LARGE1: variants seen among roughly 807,000 people sequenced by gnomAD.
LARGE1 encodes LARGE xylosyl- and glucuronyltransferase 1.
In LARGE1, 43 loss-of-function variants were observed where a neutral mutation model predicts 87.6. The observed-to-expected ratio is 0.49, with a 90% CI of 0.38 to 0.63. The LOEUF (loss-of-function observed/expected upper bound fraction) is 0.63, where lower values mean the gene tolerates loss of function less well. Ranked by LOEUF, LARGE1 falls within the 30% of genes least tolerant of loss-of-function variation. The probability of loss-of-function intolerance (pLI) is 0.00; values close to 1 mark genes in which losing one functional copy is unlikely to be tolerated. For synonymous variants in LARGE1, 434 were observed against 394.6 expected, an observed-to-expected ratio of 1.10 and a Z score of -1.18; for missense variants, 802 against 1,000.2, an observed-to-expected ratio of 0.80 and a Z score of 2.67.
At chr22:33,555,930 C>CA (rs34477059) in intron 6 of LARGE1, among the ~76,000 whole-genome samples, 85,680 of 124,110 alleles carry the variant, frequency 0.69, 28,831 homozygotes, top group African/African-American at 0.78. Context: ...GACTCCATCT[C>CA]AAAAAAAAAA....
intron 9 of LARGE1, among the ~76,000 whole-genome samples, chr22:33,356,421 G>A (rs1179161594): frequency 6.6e-6 from 1 of 152,192 alleles, no homozygotes; most frequent in Admixed American, 6.5e-5. Context: ...CCACCAACCG[G>A]TGTTTAACCT....
At chr22:33,891,439 T>TA (rs34298566) in intron 1 of LARGE1, among the ~76,000 whole-genome samples, 35,066 of 147,796 alleles carry the variant, frequency 0.24, 4,289 homozygotes, top group African/African-American at 0.3. Context: ...GTGCTAGCCA[T>TA]AAAAAAAAAA....
chr22:33,286,560 T>C, intron 12 of LARGE1, among the ~76,000 whole-genome samples: 1 of 152,154 alleles, frequency 6.6e-6, no homozygotes, highest in African/African-American at 2.4e-5. Flanking sequence ...CGCATGGTGC[T>C]TACATTCATA....
At chr22:33,153,873 G>A in the LARGE1 span, among the ~76,000 whole-genome samples, 7 of 152,174 alleles carry the variant, frequency 4.6e-5, no homozygotes, top group East Asian at 1.9e-4. Flanking sequence ...GGGGACTGGC[G>A]GTCCCAAATT....
the LARGE1 span, among the ~76,000 whole-genome samples, chr22:33,108,796 C>T: frequency 2.0e-5 from 3 of 151,992 alleles, no homozygotes; most frequent in Non-Finnish European, 2.9e-5. Flanking sequence ...TGTATTATGT[C>T]ATTTATCACC....
chr22:33,091,559 C>CAAATAAATAAATAAATAAATAAAT, the LARGE1 span, among the ~76,000 whole-genome samples: 6 of 140,586 alleles, frequency 4.3e-5, no homozygotes, highest in East Asian at 2.1e-4. Context: ...GACTCCATCT[C>CAAATAAATAAATAAATAAATAAAT]AAATAAATAA....
chr22:33,488,166 T>G (rs1341285254), intron 6 of LARGE1, among the ~76,000 whole-genome samples: 2 of 152,236 alleles, frequency 1.3e-5, no homozygotes, highest in South Asian at 4.1e-4. Flanking sequence ...CAGTAGCCAC[T>G]AGCCACATGT....
chr22:33,259,342 ACACAC>A (rs1568993169), intron 11 of LARGE1, among the ~76,000 whole-genome samples: 23 of 142,840 alleles, frequency 1.6e-4, no homozygotes, highest in African/African-American at 6.7e-4. Context: ...ACACACACAC[ACACAC>A]AAACACACAC....
chr22:33,597,339 G>T (rs954839150), intron 5 of LARGE1, among the ~76,000 whole-genome samples: 3 of 149,744 alleles, frequency 2.0e-5, no homozygotes, highest in Non-Finnish European at 4.4e-5. Context: ...AGAATCCTAT[G>T]ATTTCATGCT....
At chr22:33,202,466 A>G (rs1924448320) in intron 11 of LARGE1, among the ~76,000 whole-genome samples, 1 of 152,222 alleles carries the variant, frequency 6.6e-6, no homozygotes. Flanking sequence ...ACTTGAAGCC[A>G]TTCATTTCAT....
intron 6 of LARGE1, among the ~76,000 whole-genome samples, chr22:33,483,471 G>T (rs1602056168): frequency 6.6e-6 from 1 of 152,138 alleles, no homozygotes; most frequent in Non-Finnish European, 1.5e-5. Context: ...GGACTGAGAG[G>T]GTGATGGTGA....
chr22:33,602,734 A>C (rs906262885), intron 5 of LARGE1, among the ~76,000 whole-genome samples: 7 of 152,032 alleles, frequency 4.6e-5, no homozygotes, highest in African/African-American at 1.7e-4. Flanking sequence ...CTGGTCTCAA[A>C]CTCCTGGGCT....
intron 1 of LARGE1, among the ~76,000 whole-genome samples, chr22:33,868,506 C>G (rs1478233556): frequency 6.6e-6 from 1 of 152,056 alleles, no homozygotes; most frequent in Non-Finnish European, 1.5e-5. Context: ...CCCACGTGGC[C>G]TAAAACCATT....
downstream of LARGE1, among the ~76,000 whole-genome samples, chr22:33,161,126 G>A (rs188582002): frequency 2.2e-4 from 34 of 152,242 alleles, no homozygotes; most frequent in South Asian, 4.1e-4. Flanking sequence ...GAGAAATGCC[G>A]AGCAAGTGGG....
At chr22:33,664,463 A>G (rs1344314516) in intron 2 of LARGE1, among the ~76,000 whole-genome samples, 4 of 152,132 alleles carry the variant, frequency 2.6e-5, no homozygotes, top group African/African-American at 9.7e-5. Context: ...AACCCCCACC[A>G]CTATGACCCC....
chr22:33,661,343 G>A (rs185853384), intron 2 of LARGE1, among the ~76,000 whole-genome samples: 5 of 151,328 alleles, frequency 3.3e-5, no homozygotes, highest in African/African-American at 1.2e-4. Flanking sequence ...AGCCTCCCAA[G>A]TAGCTGGGAT....
rs146695846 is a variant in LARGE1, at chr22:33,600,507, T to C, written c.615+3928A>G. On this transcript the variant is annotated intron_variant, in intron 5 of 14. Transcript: ENST00000397394. ...AGAACATGTAACAAAGCAACCCCTATGAAATGATAAAGACAGGGAAAGTTT... is the reference window on the plus strand; with the variant it reads ...AGAACATGTAACAAAGCAACCCCTACGAAATGATAAAGACAGGGAAAGTTT... Among the ~76,000 whole-genome samples the C allele has an allele frequency of 5.3e-4, 80 of 152,248 alleles. 1 individual carries two copies. The East Asian group carries it at 0.014, about 27-fold the overall frequency.
chr22:33,343,375 C>T (rs1188711818), intron 9 of LARGE1, among the ~76,000 whole-genome samples: 1 of 152,310 alleles, frequency 6.6e-6, no homozygotes, highest in East Asian at 1.9e-4. Context: ...CTGCCTCAGC[C>T]TCCCAAACGG....
intron 9 of LARGE1, among the ~76,000 whole-genome samples, chr22:33,338,373 C>T (rs1279172849): frequency 6.6e-6 from 1 of 152,154 alleles, no homozygotes; most frequent in East Asian, 1.9e-4. Context: ...TTCGCTGTCC[C>T]TACTTCTCGG....
Sources: allele counts gnomAD v4.1 joint callset (sites outside exome capture counted in the v4.1 genomes callset), GRCh38; gene constraint gnomAD v4.1.1; transcripts MANE v1.5; gene names NCBI Gene and HGNC (gene_info 2026-07-23, HGNC 2026-07-21).